PHACTR2: variants seen among roughly 807,000 people sequenced by gnomAD.
The protein encoded by PHACTR2 is chromosome 6 open reading frame 56.
Under a neutral mutation model 76.0 loss-of-function variants are expected in PHACTR2, and 30 were observed. The observed-to-expected ratio is 0.39, with a 90% CI of 0.30 to 0.54. The LOEUF is 0.54. PHACTR2 is among the 20% of genes least tolerant of loss of function. The pLI is 0.61. For missense variants in PHACTR2, 696 were observed against 781.1 expected (o/e 0.89, Z 1.30); for synonymous variants, 292 against 292.5 (o/e 1.00, Z 0.02).
chr6:143,624,607 A>G lies in PHACTR2; in HGVS notation c.13+16285A>G, dbSNP rs1274537796. ...GTGGGAAGCAGTTTATTTTCATGGT[A>G]TGCGGCTTTTTTCACATGGCTAAAT... On this transcript the variant is annotated intron_variant, in intron 1 of 11. Transcript: ENST00000305766. The surrounding 1 kb of genome is among the most constrained non-coding windows in gnomAD (Gnocchi z 4.6). Among the ~76,000 whole-genome samples, 3 of 152,130 alleles carry G rather than the reference A, an allele frequency of 2.0e-5. No homozygotes were observed. The highest frequency in any genetic ancestry group is 4.4e-5 in the Non-Finnish European group (3 of 68,028).
rs180780921 is a variant in PHACTR2, at chr6:143,806,345, C to T, written c.1846-712C>T. ...AAATTATAAGTTCTATTTCTATAAA[C>T]TTCCAATATTAAAGAATATATAAGC... On this transcript the variant is annotated intron_variant, in intron 11 of 12. Transcript: ENST00000440869. The surrounding 1 kb of genome is among the most constrained non-coding windows in gnomAD (Gnocchi z 5.8). 2.0e-5 allele frequency among the ~76,000 whole-genome samples: 3 copies of T among 152,300 alleles called. No individual in the cohort carries two copies. In the East Asian group the frequency reaches 5.8e-4, roughly 29 times the overall value.
chr6:143,725,192 T>C (rs1009485220), intron 2 of PHACTR2, among the ~76,000 whole-genome samples: 2 of 146,858 alleles, frequency 1.4e-5, no homozygotes, highest in African/African-American at 5.0e-5. Context: ...ATCTCCTTTG[T>C]GCTGTCTTTT....
chr6:143,790,966 G>C (rs1460020954), intron 11 of PHACTR2, among the ~76,000 whole-genome samples: 3 of 152,138 alleles, frequency 2.0e-5, no homozygotes, highest in Admixed American at 6.5e-5. Context: ...CGTGAGCCAT[G>C]GCGCCCGGCC....
Position 143,578,451 on chromosome 6 carries a change from G to A in PHACTR2, c.217+41244G>A, listed in dbSNP as rs149738708. Among the ~76,000 whole-genome samples, 4 of 152,336 alleles carry A rather than the reference G, an allele frequency of 2.6e-5. No homozygotes were observed. The highest frequency in any genetic ancestry group is 9.6e-5 in the African/African-American group (4 of 41,582). On this transcript the variant is annotated intron_variant, in intron 1 of 11. Coordinates refer to the PHACTR2 transcript ENST00000367584. This position sits in a 1 kb window ranked among gnomAD's most constrained non-coding sequence, Gnocchi z 4.5. ...GAGCATGGTAGCCATGGAAGGATGTGTAGGTTGTTCACTGCTCAAGAGCAT... is the reference window on the plus strand; with the variant it reads ...GAGCATGGTAGCCATGGAAGGATGTATAGGTTGTTCACTGCTCAAGAGCAT...
intron 1 of PHACTR2, among the ~76,000 whole-genome samples, chr6:143,686,454 A>C (rs934971422): frequency 6.7e-6 from 1 of 149,824 alleles, no homozygotes; most frequent in Admixed American, 6.6e-5. Flanking sequence ...TTATATGTAC[A>C]CACACATAGA....
chr6:143,713,952 G>GT (rs1336551715), intron 2 of PHACTR2, among the ~76,000 whole-genome samples: 1 of 152,084 alleles, frequency 6.6e-6, no homozygotes, highest in Non-Finnish European at 1.5e-5. Context: ...TCATACATTA[G>GT]TTTTTTTCAC....
chr6:143,801,477 G>C lies in PHACTR2; in HGVS notation c.1846-5580G>C, dbSNP rs115996045. ...TTCAATCACTGATATACTTTCTTCCGCTTGATCGAAGTGGCTATTGAGGCT... is the reference window on the plus strand; with the variant it reads ...TTCAATCACTGATATACTTTCTTCCCCTTGATCGAAGTGGCTATTGAGGCT... On this transcript the variant is annotated intron_variant, in intron 11 of 12. Transcript: ENST00000440869. This position sits in a 1 kb window ranked among gnomAD's most constrained non-coding sequence, Gnocchi z 4.6. 6.6e-6 allele frequency among the ~76,000 whole-genome samples: 1 copy of C among 151,814 alleles called. No homozygotes were observed. Among genetic ancestry groups the C allele is most frequent in the African/African-American group, 2.4e-5 (1 of 41,304 alleles).
At chr6:143,790,714 C>T (rs1775661881) in intron 11 of PHACTR2, among the ~76,000 whole-genome samples, 1 of 149,384 alleles carries the variant, frequency 6.7e-6, no homozygotes, top group Admixed American at 6.7e-5. Context: ...CACTCTGTCA[C>T]CCAGGCTGGA....
rs944040789 is a variant in PHACTR2 at position 143,683,735 on chromosome 6, T to C, written c.46+5526T>C. ...TAAAGGCAAAAGCTGATGGAGTTTG[T>C]TTTCTTTATTCCATAATATATACAT... On this transcript the variant is annotated intron_variant, in intron 1 of 12. Transcript: ENST00000440869. The surrounding 1 kb of genome is among the most constrained non-coding windows in gnomAD (Gnocchi z 4.1). Among the ~76,000 whole-genome samples the C allele has an allele frequency of 6.6e-6, 1 of 152,180 alleles. No homozygotes were observed. Among genetic ancestry groups the C allele is most frequent in the Non-Finnish European group, 1.5e-5 (1 of 68,036 alleles).
At chr6:143,538,601 C>T (rs1331977575) in intron 1 of PHACTR2, among the ~76,000 whole-genome samples, 2 of 152,186 alleles carry the variant, frequency 1.3e-5, no homozygotes, top group Non-Finnish European at 2.9e-5. Flanking sequence ...CTCTGTGCTC[C>T]GGGATCAGGC....
intron 1 of PHACTR2, among the ~76,000 whole-genome samples, chr6:143,615,050 C>T (rs1296500653): frequency 6.6e-6 from 1 of 152,146 alleles, no homozygotes; most frequent in African/African-American, 2.4e-5. Context: ...AGGAACCTTA[C>T]TTTTTTGAGT....
At chr6:143,808,664 C>A (rs1776113529) in intron 12 of PHACTR2, among the ~76,000 whole-genome samples, 2 of 152,088 alleles carry the variant, frequency 1.3e-5, no homozygotes, top group Non-Finnish European at 2.9e-5. Context: ...TGAAGGGGTC[C>A]TGGAATGAAT....
chr6:143,550,831 G>A lies in PHACTR2; in HGVS notation c.217+13624G>A, dbSNP rs757721540. Among the ~76,000 whole-genome samples the A allele has an allele frequency of 1.1e-4, 16 of 152,140 alleles. No individual in the cohort carries two copies. The highest frequency in any genetic ancestry group is 1.9e-4 in the East Asian group (1 of 5,178). On this transcript the variant is annotated intron_variant, in intron 1 of 11. Transcript: ENST00000367584. The surrounding 1 kb of genome is among the most constrained non-coding windows in gnomAD (Gnocchi z 4.8). ...AGGAGGGCAGATCATTTGAGCCCAGGGGTTCGAGATCAGCCTGGGCAACAT... is the reference window on the plus strand; with the variant it reads ...AGGAGGGCAGATCATTTGAGCCCAGAGGTTCGAGATCAGCCTGGGCAACAT...
At chr6:143,752,703 C>A (rs6927537) in intron 3 of PHACTR2, among the ~76,000 whole-genome samples, 98,479 of 151,920 alleles carry the variant, frequency 0.65, 31,947 homozygotes, top group South Asian at 0.72. Context: ...CAATTCAATC[C>A]TATTTAATGA....
rs1324519008 is a variant in PHACTR2 at position 143,557,267 on chromosome 6, C to A, written c.217+20060C>A. ...CTCAACCATATTTCATCCTCATAAC[C>A]TTTTGAATCCAGTGGGACTTTTATT... On this transcript the variant is annotated intron_variant, in intron 1 of 11. Coordinates refer to the PHACTR2 transcript ENST00000367584. The surrounding 1 kb of genome is among the most constrained non-coding windows in gnomAD (Gnocchi z 5.5). Among the ~76,000 whole-genome samples the A allele has an allele frequency of 1.3e-5, 2 of 152,130 alleles. No individual in the cohort carries two copies. The highest frequency in any genetic ancestry group is 1.9e-4 in the East Asian group (1 of 5,196).
At chr6:143,629,989 C>T (rs993848869) in intron 1 of PHACTR2, among the ~76,000 whole-genome samples, 8 of 152,020 alleles carry the variant, frequency 5.3e-5, no homozygotes, top group Non-Finnish European at 7.4e-5. Flanking sequence ...AACAGTATTA[C>T]AGCTCTTCTG....
At position 143,818,887 on chromosome 6, in the gene PHACTR2, G is replaced by A. The variant is rs1364437063; in HGVS notation, c.1923-4787G>A. ...ACCATATCAATTTGCCTTTCACATTGTATATAAAATATTTGATTTAAGAGG... is the reference window on the plus strand; with the variant it reads ...ACCATATCAATTTGCCTTTCACATTATATATAAAATATTTGATTTAAGAGG... On this transcript the variant is annotated intron_variant, in intron 12 of 12. Coordinates refer to ENST00000440869, the MANE Select transcript of PHACTR2 (RefSeq NM_001100164.2). This position sits in a 1 kb window ranked among gnomAD's most constrained non-coding sequence, Gnocchi z 4.9. 6.6e-6 allele frequency among the ~76,000 whole-genome samples: 1 copy of A among 152,152 alleles called. No individual in the cohort carries two copies. Among genetic ancestry groups the A allele is most frequent in the Non-Finnish European group, 1.5e-5 (1 of 68,032 alleles).
At position 143,709,079 on chromosome 6, in the gene PHACTR2, G is replaced by T. The variant is rs1399738756; in HGVS notation, c.47-2937G>T. Among the ~76,000 whole-genome samples the T allele has an allele frequency of 1.3e-5, 2 of 152,172 alleles. No individual in the cohort carries two copies. The highest frequency in any genetic ancestry group is 2.9e-5 in the Non-Finnish European group (2 of 68,036). On this transcript the variant is annotated intron_variant, in intron 1 of 12. Coordinates refer to ENST00000440869, the MANE Select transcript of PHACTR2 (RefSeq NM_001100164.2). The surrounding 1 kb of genome is among the most constrained non-coding windows in gnomAD (Gnocchi z 4.4). ...ATGAAGAAGTAAAACCATACTCTCAGTTCCCCCTGGGTTTGCCCTCTGGTT... is the reference window on the plus strand; with the variant it reads ...ATGAAGAAGTAAAACCATACTCTCATTTCCCCCTGGGTTTGCCCTCTGGTT...
rs570572356 is a variant in PHACTR2 at position 143,589,113 on chromosome 6, C to T, written c.217+51906C>T. On this transcript the variant is annotated intron_variant, in intron 1 of 11. Coordinates refer to the PHACTR2 transcript ENST00000367584. The surrounding 1 kb of genome is among the most constrained non-coding windows in gnomAD (Gnocchi z 4.4). ...TCTCACAGCTCTGGAGGCTGGAAGTCCAAGATCAAGGTGTTAGCAGGTATG... is the reference window on the plus strand; with the variant it reads ...TCTCACAGCTCTGGAGGCTGGAAGTTCAAGATCAAGGTGTTAGCAGGTATG... Among the ~76,000 whole-genome samples, 1 of 152,264 alleles carries T rather than the reference C, an allele frequency of 6.6e-6. No individual in the cohort carries two copies. Among genetic ancestry groups the T allele is most frequent in the South Asian group, 2.1e-4 (1 of 4,814 alleles).
Sources: allele counts gnomAD v4.1 joint callset (sites outside exome capture counted in the v4.1 genomes callset), GRCh38; gene constraint gnomAD v4.1.1; non-coding constraint Gnocchi (gnomAD v3.1); transcripts MANE v1.5; gene names NCBI Gene and HGNC (gene_info 2026-07-23, HGNC 2026-07-21).